Variants in CHD7 observed in about 807,000 individuals in gnomAD.
The protein encoded by CHD7 is ATP-dependent chromatin remodeler CHD7.
In CHD7, 24 loss-of-function variants were observed where a neutral mutation model predicts 307.3. The ratio of observed to expected loss-of-function variants is 0.08; its 90% CI spans 0.06 to 0.11. CHD7 has a LOEUF of 0.11. Ranked by LOEUF, CHD7 falls within the 10% of genes least tolerant of loss-of-function variation. The probability of loss-of-function intolerance (pLI) is 1.00; values close to 1 mark genes in which losing one functional copy is unlikely to be tolerated. For synonymous variants in CHD7, 1,363 were observed against 1,349.9 expected (o/e 1.01, Z -0.21); for missense variants, 3,106 against 3,727.1 (o/e 0.83, Z 4.34).
At chr8:60,845,450 T>C in intron 23 of CHD7, 41 bp downstream of exon 23, 1 of 1,588,144 alleles carries the variant, frequency 6.3e-7, no homozygotes, top group Non-Finnish European at 8.6e-7. Context: ...TTAATTCCCT[T>C]TTTATTCTTT....
chr8:60,715,615 A>T (rs1807560586), intron 1 of CHD7, among the ~76,000 whole-genome samples: 2 of 152,060 alleles, frequency 1.3e-5, no homozygotes, highest in Non-Finnish European at 2.9e-5. Context: ...CACCGCGCCC[A>T]GCCCCTTCCT....
At chr8:60,832,540 C>A (rs545469288) in intron 15 of CHD7, among the ~76,000 whole-genome samples, 1 of 152,124 alleles carries the variant, frequency 6.6e-6, no homozygotes, top group African/African-American at 2.4e-5. Context: ...ATGCACTGTG[C>A]ACATACATGT....
chr8:60,805,817 ATATC>A (rs993569981), intron 6 of CHD7, among the ~76,000 whole-genome samples: 2 of 152,198 alleles, frequency 1.3e-5, no homozygotes, highest in Non-Finnish European at 2.9e-5. Context: ...TATAACATAT[ATATC>A]AGTTATATAA....
chr8:60,696,193 A>T (rs1806457568), intron 1 of CHD7, among the ~76,000 whole-genome samples: 1 of 152,240 alleles, frequency 6.6e-6, no homozygotes, highest in Non-Finnish European at 1.5e-5. Flanking sequence ...TTTACTTTTT[A>T]ATTTTTTAAA....
chr8:60,680,502 AT>A (rs934016061), intron 1 of CHD7, among the ~76,000 whole-genome samples: 9 of 151,336 alleles, frequency 5.9e-5, no homozygotes, highest in African/African-American at 2.2e-4. Flanking sequence ...AGCAGCCATC[AT>A]TACCGAGCCG....
At chr8:60,759,364 T>G (rs1468896535) in intron 2 of CHD7, among the ~76,000 whole-genome samples, 1 of 152,046 alleles carries the variant, frequency 6.6e-6, no homozygotes, top group African/African-American at 2.4e-5. Context: ...TGATGCTGTT[T>G]GCTTCTCTCC....
intron 2 of CHD7, among the ~76,000 whole-genome samples, chr8:60,780,517 C>T (rs1811156702): frequency 6.6e-6 from 1 of 152,216 alleles, no homozygotes; most frequent in South Asian, 2.1e-4. Flanking sequence ...TATGTTTACA[C>T]TTTTATTTCA....
chr8:60,799,085 A>T (rs1812169849), intron 4 of CHD7, among the ~76,000 whole-genome samples: 2 of 152,236 alleles, frequency 1.3e-5, no homozygotes, highest in African/African-American at 4.8e-5. Flanking sequence ...ATAGAGAAGT[A>T]AACAAGATAT....
intron 2 of CHD7, among the ~76,000 whole-genome samples, chr8:60,771,575 G>A (rs530390176): frequency 1.3e-5 from 2 of 150,418 alleles, no homozygotes; most frequent in East Asian, 3.9e-4. Flanking sequence ...CTCAGTTTCC[G>A]TAGATCAGAG....
rs72650465 is a variant in CHD7, at chr8:60,720,803, T to G, written c.-174-20456T>G. 6.4e-3 allele frequency among the ~76,000 whole-genome samples: 975 copies of G among 152,352 alleles called. 5 individuals are homozygous for G. Among genetic ancestry groups the G allele is most frequent in the Non-Finnish European group, 0.011 (734 of 68,040 alleles). ...TCTAATGGGGGTAACAAGGATTAAA[T>G]GAACGAGTGCATCTGAAGCCTTAGC... is the stretch of plus-strand genomic sequence containing the variant. On this transcript the variant is annotated intron_variant, in intron 1 of 37. Coordinates refer to ENST00000423902, the MANE Select transcript of CHD7 (RefSeq NM_017780.4).
At chr8:60,837,590 G>T (rs1177419568) in intron 17 of CHD7, 78 bp from the exon 18 acceptor site, 5 of 1,267,376 alleles carry the variant, frequency 3.9e-6, no homozygotes, top group Non-Finnish European at 2.2e-6. Context: ...TGGAATGAGG[G>T]TTTCAGCATA....
intron 6 of CHD7, among the ~76,000 whole-genome samples, chr8:60,803,668 T>C (rs1469372794): frequency 6.6e-6 from 1 of 152,238 alleles, no homozygotes; most frequent in Non-Finnish European, 1.5e-5. Context: ...GCTTGTCAGT[T>C]ACTGGTATTT....
chr8:60,763,903 G>A (rs2150627356), intron 2 of CHD7, among the ~76,000 whole-genome samples: 1 of 152,346 alleles, frequency 6.6e-6, no homozygotes, highest in East Asian at 1.9e-4. Context: ...GCTGTGGTCA[G>A]AGAGGAAAAG....
chr8:60,822,442 A>G (rs761570470), intron 11 of CHD7, 61 bp from the exon 12 acceptor site: 34 of 1,524,518 alleles, frequency 2.2e-5, no homozygotes, highest in Non-Finnish European at 4.5e-6. Flanking sequence ...ATTTTGTGAA[A>G]TGACAGCAGT....
intron 7 of CHD7, among the ~76,000 whole-genome samples, chr8:60,810,403 G>T (rs957434378): frequency 3.3e-5 from 5 of 151,746 alleles, no homozygotes; most frequent in Admixed American, 1.3e-4. Flanking sequence ...GTGTGTGTGT[G>T]TGTGTGTATC....
At chr8:60,810,172 G>C (rs1043657692) in intron 7 of CHD7, among the ~76,000 whole-genome samples, 2 of 151,928 alleles carry the variant, frequency 1.3e-5, no homozygotes, top group Non-Finnish European at 2.9e-5. Context: ...ACATTTTCTT[G>C]CTTTCTGGCA....
intron 35 of CHD7, 43 bp downstream of exon 35, chr8:60,861,168 C>T (rs370442124): frequency 4.2e-4 from 598 of 1,435,564 alleles, no homozygotes; most frequent in Middle Eastern, 7.3e-4. Flanking sequence ...TCTTGCAGGC[C>T]GGTCCACTTC....
intron 2 of CHD7, among the ~76,000 whole-genome samples, chr8:60,768,996 G>C (rs1810593148): frequency 6.6e-6 from 1 of 152,110 alleles, no homozygotes; most frequent in African/African-American, 2.4e-5. Flanking sequence ...CTGAAATGAA[G>C]ATATTCTGTC....
intron 1 of CHD7, among the ~76,000 whole-genome samples, chr8:60,738,282 A>G (rs148420079): frequency 9.1e-4 from 138 of 152,274 alleles, no homozygotes; most frequent in African/African-American, 3.0e-3. Flanking sequence ...ATTTTTTTAT[A>G]TTGATTACCT....
Sources: gnomAD v4.1 joint callset for allele counts (sites outside exome capture counted in the v4.1 genomes callset) on GRCh38, gnomAD v4.1.1 for gene constraint, MANE v1.5 for transcripts, NCBI Gene and HGNC (gene_info 2026-07-23, HGNC 2026-07-21) for gene names.